Variants in DDX20 observed in about 807,000 individuals in gnomAD.
DDX20 encodes the protein DEAD-box helicase 20, also known as probable ATP-dependent RNA helicase DDX20.
In DDX20, 61 loss-of-function variants were observed where a neutral mutation model predicts 76.4. The ratio of observed to expected loss-of-function variants is 0.80; its 90% CI spans 0.65 to 0.99. The LOEUF (loss-of-function observed/expected upper bound fraction) is 0.99. DDX20 is among the 50% of genes least tolerant of loss of function. The pLI is 0.00. For synonymous variants in DDX20, 357 were observed against 357.4 expected (o/e 1.00, Z 0.01); for missense variants, 976 against 996.8 (o/e 0.98, Z 0.28).
At position 111,762,273 on chromosome 1, in the gene DDX20, A is replaced by G; in HGVS notation, c.1040A>G (p.Gln347Arg). The G allele has an allele frequency of 6.2e-7, 1 of 1,613,186 alleles. No individual in the cohort carries two copies. The highest frequency in any genetic ancestry group is 8.5e-7 in the Non-Finnish European group (1 of 1,179,710). Residue 347 changes from glutamine (Q) to arginine (R), a missense_variant, in exon 8 of 11, where the codon CAG becomes CGG. Coordinates refer to ENST00000369702, the MANE Select transcript of DDX20 (RefSeq NM_007204.5). ...ECISGNMNQN[Q>R]RLDAMAKLKH... ...CTTTTAGGCAATATGAATCAGAATC[A>G]GCGTCTTGATGCTATGGCTAAACTG...
Position 111,756,657 on chromosome 1 carries a change from C to G in DDX20, c.313C>G (p.Gln105Glu). The change falls in exon 2 of 11, where the codon CAA becomes GAA. Residue 105 changes from glutamine to glutamate, a missense_variant. By Grantham distance (29) the Gln-to-Glu change is conservative. Transcript: ENST00000369702. Reference protein sequence around the residue: ...LGRCGLDLIVQAKSGTGKTCV... With the variant: ...LGRCGLDLIVEAKSGTGKTCV... The stretch of plus-strand genomic sequence containing the variant: ...TTTTTCCTTCGCAGATTTAATTGTT[C>G]AAGCTAAATCTGGCACCGGGAAAAC... 1.2e-6 allele frequency: 2 copies of G among 1,613,966 alleles called. No individual in the cohort carries two copies. Among genetic ancestry groups the G allele is most frequent in the Non-Finnish European group, 1.7e-6 (2 of 1,179,898 alleles).
At chr1:111,756,342 C>G in intron 1 of DDX20, 117 bp downstream of exon 1, 1 of 1,092,014 alleles carries the variant, frequency 9.2e-7, no homozygotes, top group Non-Finnish European at 1.2e-6. Flanking sequence ...GCCCCCGGAG[C>G]AGGGCCCTGC....
At position 111,756,120 on chromosome 1, in the gene DDX20, T is replaced by A. The variant is rs1663544038; in HGVS notation, c.196T>A (p.Ser66Thr). 1 of 1,593,790 alleles carries A rather than the reference T, an allele frequency of 6.3e-7. No individual in the cohort carries two copies. The highest frequency in any genetic ancestry group is 1.1e-5 in the South Asian group (1 of 89,978). ...GTTGGCGGAGCCGGCCGACTTCGAG[T>A]CACTGCTGCTTTCGCGGCCGGTGCT... The part of the protein sequence containing the change: ...VLLAEPADFE[S>T]LLLSRPVLEG... The change falls in exon 1 of 11, where the codon TCA becomes ACA. Residue 66 changes from serine to threonine, a missense_variant. By Grantham distance (58) the Ser-to-Thr change is moderately conservative. Around this residue, in one of 3 missense-constraint regions of DDX20, gnomAD observed 343 missense variants for 286.4 expected, o/e 1.20. Coordinates refer to ENST00000369702, the MANE Select transcript of DDX20 (RefSeq NM_007204.5).
Position 111,766,091 on chromosome 1 carries a change from ACT to A in DDX20, c.1669_1670del (p.Ser557HisfsTer25). ...AATTCTGTTCAGACTCCCGTTGAAA[ACT>A]CCACCAACAGTCAGCACCAGGTCAA... On this transcript the variant is annotated frameshift_variant, in exon 11 of 11. Transcript: ENST00000369702. LOFTEE classifies it high-confidence loss of function. 6.2e-7 allele frequency: 1 copy of A among 1,613,696 alleles called. No homozygotes were observed. Among genetic ancestry groups the A allele is most frequent in the Non-Finnish European group, 8.5e-7 (1 of 1,179,922 alleles).
Position 111,756,172 on chromosome 1 carries a change from A to G in DDX20, c.248A>G (p.Glu83Gly). 1 of 1,541,278 alleles carries G rather than the reference A, an allele frequency of 6.5e-7. No individual in the cohort carries two copies. Among genetic ancestry groups the G allele is most frequent in the Non-Finnish European group, 8.7e-7 (1 of 1,151,212 alleles). The change falls in exon 1 of 11, where the codon GAG becomes GGG. Residue 83 changes from glutamate (E) to glycine (G), a missense_variant. Glu to Gly is a moderately conservative substitution (Grantham distance 98). Coordinates refer to ENST00000369702, the MANE Select transcript of DDX20 (RefSeq NM_007204.5). ...VLEGLRAAGF[E>G]RPSPVQLKAI... ...GAGGGGCTGCGGGCGGCCGGCTTCGAGAGGCCCTCGCCGGTGCAGCTCAAG... is the reference window on the plus strand; with the variant it reads ...GAGGGGCTGCGGGCGGCCGGCTTCGGGAGGCCCTCGCCGGTGCAGCTCAAG...
Position 111,761,009 on chromosome 1 carries a change from T to C in DDX20, c.846T>C (p.Val282=). 6.2e-7 allele frequency: 1 copy of C among 1,613,844 alleles called. No homozygotes were observed. The change falls in exon 6 of 11, where the codon GTT becomes GTC. Residue 282 remains valine (V), a synonymous_variant. Transcript: ENST00000369702. ...SLIGLKQYYK[V]VNSYPLAHKV... ...TAGGTTTGAAGCAGTATTACAAAGT[T>C]GTCAATTCATACCCTTTGGCACATA... is the stretch of plus-strand genomic sequence containing the variant.
intron 3 of DDX20, among the ~76,000 whole-genome samples, chr1:111,759,843 G>A (rs1663633473): frequency 6.6e-6 from 1 of 151,206 alleles, no homozygotes; most frequent in African/African-American, 2.4e-5. Context: ...GCGTGGTAGC[G>A]GGCGCCTGTA....
chr1:111,766,556 ATCAAGAAT>A lies in DDX20; in HGVS notation c.2133_2140del (p.Gln712ThrfsTer10), dbSNP rs1326252523. 9 of 1,614,232 alleles carry A rather than the reference ATCAAGAAT, an allele frequency of 5.6e-6. No individual in the cohort carries two copies. The South Asian group carries it at 7.7e-5, about 14-fold the overall frequency. ...AGTGACACCCCCAATCCAGAGAAATATCAAGAATCACCTGGAATCCAGATGAAGACAAG... is the reference window on the plus strand; with the variant it reads ...AGTGACACCCCCAATCCAGAGAAATACACCTGGAATCCAGATGAAGACAAG... On this transcript the variant is annotated frameshift_variant, in exon 11 of 11. Transcript: ENST00000369702. LOFTEE classifies it high-confidence loss of function.
At chr1:111,759,973 C>CAAAAAAAA (rs754870294) in intron 3 of DDX20, among the ~76,000 whole-genome samples, 8 of 57,566 alleles carry the variant, frequency 1.4e-4, no homozygotes, top group Admixed American at 1.9e-4. Flanking sequence ...GACTCCATCT[C>CAAAAAAAA]AAAAAAAAAA....
At chr1:111,756,262 GT>G in intron 1 of DDX20, 37 bp downstream of exon 1, 1 of 1,250,782 alleles carries the variant, frequency 8.0e-7, no homozygotes, top group Non-Finnish European at 1.0e-6. Context: ...GGGGGGTGGG[GT>G]GGGAGAAGGG....
chr1:111,764,748 C>T (rs1663744623), intron 10 of DDX20, among the ~76,000 whole-genome samples: 1 of 152,016 alleles, frequency 6.6e-6, no homozygotes, highest in Non-Finnish European at 1.5e-5. Context: ...TTAATAGGGC[C>T]CTGAAATCAT....
chr1:111,766,704 G>T lies in DDX20; in HGVS notation c.2280G>T (p.Arg760Ser), dbSNP rs1419503949. ...AAGATGATTGGTATGACTGTCATAG[G>T]GAAATACGTCTGAGTTTTTCTGATA... The part of the protein sequence containing the change: ...AQEDDWYDCH[R>S]EIRLSFSDTY... Residue 760 changes from arginine to serine, a missense_variant, in exon 11 of 11, where the codon AGG (arginine) becomes AGT (serine). Arg to Ser is a moderately radical substitution (Grantham distance 110). Transcript: ENST00000369702. 9 of 1,614,106 alleles carry T rather than the reference G, an allele frequency of 5.6e-6. No individual in the cohort carries two copies. Among genetic ancestry groups the T allele is most frequent in the African/African-American group, 1.3e-5 (1 of 75,024 alleles).
At chr1:111,764,269 G>A (rs559538426) in intron 10 of DDX20, among the ~76,000 whole-genome samples, 1 of 148,946 alleles carries the variant, frequency 6.7e-6, no homozygotes, top group Non-Finnish European at 1.5e-5. Flanking sequence ...GCGAAAGTGC[G>A]AGACTCAGTC....
At position 111,760,550 on chromosome 1, in the gene DDX20, T is replaced by G; in HGVS notation, c.642T>G (p.Asp214Glu). The G allele has an allele frequency of 1.2e-6, 2 of 1,613,506 alleles. No individual in the cohort carries two copies. Among genetic ancestry groups the G allele is most frequent in the Non-Finnish European group, 1.7e-6 (2 of 1,179,878 alleles). Residue 214 changes from aspartate (D) to glutamate (E), a missense_variant, in exon 4 of 11, where the codon GAT becomes GAG. Asp to Glu is a conservative substitution (Grantham distance 45). This residue lies in a region of DDX20 where 343 missense variants were observed against 286.4 expected (regional missense o/e 1.20). Transcript: ENST00000369702. ...SIRLFILDEA[D>E]KLLEEGSFQE... ...GCCTCTTTATTCTTGATGAAGCAGATAAGCTTTTAGAAGAAGGCAGCTTCC... is the reference window on the plus strand; with the variant it reads ...GCCTCTTTATTCTTGATGAAGCAGAGAAGCTTTTAGAAGAAGGCAGCTTCC...
rs765592806 is a variant in DDX20, at chr1:111,756,114, T to C, written c.190T>C (p.Phe64Leu). The C allele has an allele frequency of 6.3e-7, 1 of 1,596,042 alleles. No individual in the cohort carries two copies. Among genetic ancestry groups the C allele is most frequent in the Non-Finnish European group, 8.5e-7 (1 of 1,177,922 alleles). Residue 64 changes from phenylalanine to leucine, a missense_variant, in exon 1 of 11, where the codon TTC becomes CTC. Transcript: ENST00000369702. ...TGTGCTGTTGGCGGAGCCGGCCGAC[T>C]TCGAGTCACTGCTGCTTTCGCGGCC... ...GDVLLAEPADFESLLLSRPVL... is the reference protein window; with the variant it reads ...GDVLLAEPADLESLLLSRPVL...
chr1:111,760,574 C>T lies in DDX20; in HGVS notation c.666C>T (p.Phe222=). 6.2e-7 allele frequency: 1 copy of T among 1,612,202 alleles called. No individual in the cohort carries two copies. The highest frequency in any genetic ancestry group is 8.5e-7 in the Non-Finnish European group (1 of 1,179,468). ...EADKLLEEGS[F]QEQINWIYSS... is the part of the protein sequence containing the mutation. The stretch of plus-strand genomic sequence containing the variant: ...ATAAGCTTTTAGAAGAAGGCAGCTT[C>T]CAGGAGCAAATAAAGTAAGAAAAAT... Residue 222 remains phenylalanine, a synonymous_variant, in exon 4 of 11, where the codon TTC becomes TTT. Transcript: ENST00000369702.
In DDX20 at chr1:111,766,280, C is replaced by T; in HGVS notation, c.1856C>T (p.Pro619Leu). The change falls in exon 11 of 11, where the codon CCT (proline) becomes CTT (leucine). Residue 619 changes from proline to leucine, a missense_variant. Physicochemically the swap from Pro to Leu is moderately conservative, Grantham distance 98 (BLOSUM62 -3). Around this residue, in one of 3 missense-constraint regions of DDX20, gnomAD observed 630 missense variants for 693.7 expected, o/e 0.91. Transcript: ENST00000369702. ...PVEIIRHYTGPGDQTVNPQNG... is the reference protein window; with the variant it reads ...PVEIIRHYTGLGDQTVNPQNG... ...GAAATCATCAGGCACTACACAGGCC[C>T]TGGGGATCAGACTGTGAATCCTCAA... is the stretch of plus-strand genomic sequence containing the variant. The T allele has an allele frequency of 6.2e-7, 1 of 1,614,112 alleles. No individual in the cohort carries two copies. Among genetic ancestry groups the T allele is most frequent in the Non-Finnish European group, 8.5e-7 (1 of 1,180,012 alleles).
chr1:111,766,236 G>A lies in DDX20; in HGVS notation c.1812G>A (p.Glu604=), dbSNP rs769879214. The A allele has an allele frequency of 5.4e-5, 87 of 1,614,158 alleles. No homozygotes were observed. The highest frequency in any genetic ancestry group is 4.0e-4 in the East Asian group (18 of 44,886). ...LVEDYEHYIK[E]GLEKPVEIIR... is the part of the protein sequence containing the mutation. ...AGGATTATGAACATTATATTAAAGA[G>A]GGGTTAGAGAAACCTGTGGAAATCA... The change falls in exon 11 of 11, where the codon GAG becomes GAA. Residue 604 remains glutamate (E), a synonymous_variant. Transcript: ENST00000369702.
At chr1:111,757,002 C>T (rs534697350) in intron 2 of DDX20, among the ~76,000 whole-genome samples, 1 of 151,886 alleles carries the variant, frequency 6.6e-6, no homozygotes, top group African/African-American at 2.4e-5. Flanking sequence ...TGAGACTTAA[C>T]ATTTGACTTG....
Sources: allele counts gnomAD v4.1 joint callset (sites outside exome capture counted in the v4.1 genomes callset), GRCh38; gene constraint gnomAD v4.1.1; regional missense constraint gnomAD v4.1.1; transcripts MANE v1.5; gene names NCBI Gene and HGNC (gene_info 2026-07-23, HGNC 2026-07-21).